SPIRE1: variants seen among roughly 807,000 people sequenced by gnomAD.
SPIRE1 encodes protein spire homolog 1.
In SPIRE1, 40 loss-of-function variants were observed where a neutral mutation model predicts 94.1. The observed-to-expected ratio is 0.43, with a 90% confidence interval of 0.33 to 0.55. The LOEUF (loss-of-function observed/expected upper bound fraction) is 0.55, where lower values mean the gene tolerates loss of function less well. Ranked by LOEUF, SPIRE1 falls within the 20% of genes least tolerant of loss-of-function variation. The pLI is 0.06. For missense variants in SPIRE1, 838 were observed against 975.2 expected, an observed-to-expected ratio of 0.86 and a Z score of 1.87; for synonymous variants, 376 against 371.7, an observed-to-expected ratio of 1.01 and a Z score of -0.13.
chr18:12,571,807 G>A (rs1037168227), intron 2 of SPIRE1, among the ~76,000 whole-genome samples: 3 of 152,190 alleles, frequency 2.0e-5, no homozygotes, highest in Admixed American at 6.5e-5. Flanking sequence ...AAGTGTATGT[G>A]GCAATGGAGA....
In SPIRE1 at chr18:12,615,327, C is replaced by CAAAAAAAAAAAAAAA. The variant is rs1234229698; in HGVS notation, c.372+19720_372+19734dup. ...GGGCAACAAGAGTGAAACTCTGTCT[C>CAAAAAAAAAAAAAAA]AAAAAAAAAAAAAAAAAAATATATA... On this transcript the variant is annotated intron_variant, in intron 2 of 16. Coordinates refer to ENST00000409402, the MANE Select transcript of SPIRE1 (RefSeq NM_001128626.2). 2.7e-3 allele frequency among the ~76,000 whole-genome samples: 6 copies of CAAAAAAAAAAAAAAA among 2,190 alleles called. 2 individuals carry two copies. The highest frequency in any genetic ancestry group is 4.5e-3 in the Non-Finnish European group (5 of 1,104). 1.4% of individuals were successfully genotyped at this position (2,190 alleles called of 152,430 possible).
chr18:12,621,492 T>C (rs2037466639), intron 2 of SPIRE1, among the ~76,000 whole-genome samples: 7 of 152,158 alleles, frequency 4.6e-5, no homozygotes, highest in Admixed American at 3.3e-4. Flanking sequence ...AACTGATGAA[T>C]GGGTAACAAA....
At chr18:12,512,562 T>C in intron 4 of SPIRE1, 31 bp from the exon 5 acceptor site, 2 of 1,326,444 alleles carry the variant, frequency 1.5e-6, no homozygotes, top group Non-Finnish European at 2.1e-6. Context: ...GGCATAAACA[T>C]TTCATTAAGT....
intron 2 of SPIRE1, among the ~76,000 whole-genome samples, chr18:12,612,310 T>C (rs1164297519): frequency 1.3e-5 from 2 of 152,182 alleles, no homozygotes; most frequent in African/African-American, 4.8e-5. Flanking sequence ...TTTATTTACA[T>C]TCATGGGCCC....
chr18:12,548,722 C>G (rs1186066728), intron 2 of SPIRE1, among the ~76,000 whole-genome samples: 1 of 151,808 alleles, frequency 6.6e-6, no homozygotes, highest in African/African-American at 2.4e-5. Flanking sequence ...AGATGATCCT[C>G]CCACCTTAGC....
At chr18:12,634,990 T>G (rs770275308) in intron 2 of SPIRE1, 72 bp downstream of exon 2, 5 of 796,416 alleles carry the variant, frequency 6.3e-6, no homozygotes, top group Non-Finnish European at 1.0e-5. Flanking sequence ...AGTGAGATAG[T>G]TCAGTACTCA....
chr18:12,565,406 G>A lies in SPIRE1; in HGVS notation c.373-18502C>T, dbSNP rs148060261. ...CTTTTTTCCATTGGGAAGGAGCCTCGCTCTGTCGCCCAGGCTGGAGTGCAG... is the reference window on the plus strand; with the variant it reads ...CTTTTTTCCATTGGGAAGGAGCCTCACTCTGTCGCCCAGGCTGGAGTGCAG... On this transcript the variant is annotated intron_variant, in intron 2 of 16. Transcript: ENST00000409402. Among the ~76,000 whole-genome samples the A allele has an allele frequency of 3.1e-3, 473 of 152,022 alleles. 1 individual carries two copies. The highest frequency in any genetic ancestry group is 0.011 in the African/African-American group (442 of 41,496).
chr18:12,657,702 C>T lies in SPIRE1; in HGVS notation c.165G>A (p.Glu55=). The stretch of plus-strand genomic sequence containing the variant: ...GGTAGCACACGGCCCACGCCTGCTC[C>T]TCGTTGATGGGCTGGTTGTACAGCC... ...ILRLYNQPIN[E]EQAWAVCYQC... Residue 55 remains glutamate, a synonymous_variant, in exon 1 of 17, where the codon GAG becomes GAA. Coordinates refer to ENST00000409402, the MANE Select transcript of SPIRE1 (RefSeq NM_001128626.2). 1 of 1,407,100 alleles carries T rather than the reference C, an allele frequency of 7.1e-7. No homozygotes were observed. Among genetic ancestry groups the T allele is most frequent in the Non-Finnish European group, 9.3e-7 (1 of 1,073,398 alleles). The allele number at this position is 1,407,100 out of a possible 1,614,324, so 87.2% of individuals were successfully genotyped here.
At chr18:12,589,897 T>C (rs1445072141) in intron 2 of SPIRE1, among the ~76,000 whole-genome samples, 1 of 152,246 alleles carries the variant, frequency 6.6e-6, no homozygotes, top group Non-Finnish European at 1.5e-5. Flanking sequence ...CCACTGTCTG[T>C]TCATACAAAC....
At chr18:12,545,506 T>A (rs1255658929) in intron 3 of SPIRE1, among the ~76,000 whole-genome samples, 1 of 152,190 alleles carries the variant, frequency 6.6e-6, no homozygotes, top group African/African-American at 2.4e-5. Context: ...GATACACCAT[T>A]GACACTGCTT....
intron 13 of SPIRE1, among the ~76,000 whole-genome samples, chr18:12,454,016 C>T (rs1368540579): frequency 6.6e-6 from 1 of 152,106 alleles, no homozygotes; most frequent in African/African-American, 2.4e-5. Context: ...ATATCCCAAC[C>T]TCGTGATCTG....
chr18:12,554,055 C>CT (rs1237500648), intron 2 of SPIRE1, among the ~76,000 whole-genome samples: 12 of 152,140 alleles, frequency 7.9e-5, no homozygotes, highest in African/African-American at 2.9e-4. Flanking sequence ...AATCCCAGCA[C>CT]TTTGGGAGGC....
rs2037988604 is a variant in SPIRE1 at position 12,638,184 on chromosome 18, C to T, written c.338-3088G>A. On this transcript the variant is annotated intron_variant, in intron 1 of 16. Coordinates refer to ENST00000409402, the MANE Select transcript of SPIRE1 (RefSeq NM_001128626.2). ...ATTTGGCTGGGTGTGGTGTCTTGCG[C>T]CTGTAATCCCAGCACTTTGGGAGGC... 2.0e-5 allele frequency among the ~76,000 whole-genome samples: 3 copies of T among 152,110 alleles called. No individual in the cohort carries two copies. In the South Asian group the frequency reaches 6.2e-4, roughly 32 times the overall value.
At chr18:12,552,671 C>T (rs1009915082) in intron 2 of SPIRE1, among the ~76,000 whole-genome samples, 2 of 152,036 alleles carry the variant, frequency 1.3e-5, no homozygotes, top group South Asian at 2.1e-4. Context: ...TATTCTGTTC[C>T]GTTCTAATTA....
chr18:12,611,910 G>A (rs1397380805), intron 2 of SPIRE1, among the ~76,000 whole-genome samples: 2 of 151,846 alleles, frequency 1.3e-5, no homozygotes, highest in Non-Finnish European at 2.9e-5. Flanking sequence ...CTGAGCTCAA[G>A]TGATCCTCCT....
chr18:12,581,212 G>A (rs2036249544), intron 2 of SPIRE1, among the ~76,000 whole-genome samples: 1 of 152,084 alleles, frequency 6.6e-6, no homozygotes. Context: ...TCAAAAGAGC[G>A]CAAAGCAATC....
At chr18:12,547,146 A>G (rs2035196570) in intron 2 of SPIRE1, among the ~76,000 whole-genome samples, 1 of 152,226 alleles carries the variant, frequency 6.6e-6, no homozygotes, top group Admixed American at 6.5e-5. Flanking sequence ...GAACAGATAT[A>G]GTTATCAAAG....
chr18:12,605,073 T>C (rs1039219153), intron 2 of SPIRE1, among the ~76,000 whole-genome samples: 1 of 152,108 alleles, frequency 6.6e-6, no homozygotes, highest in African/African-American at 2.4e-5. Context: ...ATGGTGGCTG[T>C]TGGGGAAAAG....
Position 12,539,626 on chromosome 18 carries a change from C to T in SPIRE1, c.604-4025G>A, listed in dbSNP as rs2034955326. ...ACACACACACACACGTTGGGAATAACAGCTACTATTAAGAAAAATAGGCCA... is the reference window on the plus strand; with the variant it reads ...ACACACACACACACGTTGGGAATAATAGCTACTATTAAGAAAAATAGGCCA... On this transcript the variant is annotated intron_variant, in intron 3 of 16. Transcript: ENST00000409402. Among the ~76,000 whole-genome samples the T allele has an allele frequency of 2.0e-5, 3 of 150,972 alleles. No homozygotes were observed. The South Asian group carries it at 6.3e-4, about 32-fold the overall frequency.
Sources: allele counts gnomAD v4.1 joint callset (sites outside exome capture counted in the v4.1 genomes callset), GRCh38; gene constraint gnomAD v4.1.1; transcripts MANE v1.5; gene names NCBI Gene and HGNC (gene_info 2026-07-23, HGNC 2026-07-21).